Variants in XRCC4 observed in about 807,000 individuals in gnomAD.
The protein encoded by XRCC4 is DNA repair protein XRCC4.
Under a neutral mutation model 39.1 loss-of-function variants are expected in XRCC4, and 28 were observed. The ratio of observed to expected loss-of-function variants is 0.72; its 90% confidence interval spans 0.53 to 0.98. The LOEUF (loss-of-function observed/expected upper bound fraction) is 0.98, where lower values mean the gene tolerates loss of function less well. Among genes scored for constraint, XRCC4 ranks in the 50% least tolerant of loss-of-function variants. The pLI is 0.00. For synonymous variants in XRCC4, 123 were observed against 126.4 expected (o/e 0.97, Z 0.18); for missense variants, 350 against 376.4 (o/e 0.93, Z 0.58).
At chr5:83,175,534 C>T (rs139088899) in intron 3 of XRCC4, among the ~76,000 whole-genome samples, 4 of 152,088 alleles carry the variant, frequency 2.6e-5, no homozygotes, top group Admixed American at 6.5e-5. Flanking sequence ...GACTGGATGC[C>T]GTGGCTCACA....
chr5:83,098,878 T>C (rs1001643138), intron 1 of XRCC4, among the ~76,000 whole-genome samples: 1 of 152,192 alleles, frequency 6.6e-6, no homozygotes, highest in Non-Finnish European at 1.5e-5. Context: ...CACTTAGTTT[T>C]CCTAAATTGT....
intron 7 of XRCC4, 90 bp downstream of exon 7, chr5:83,258,767 T>G (rs1753648190): frequency 1.4e-6 from 2 of 1,402,032 alleles, no homozygotes; most frequent in African/African-American, 2.9e-5. Context: ...ATTTTGAACG[T>G]TTTTAAAGTT....
intron 6 of XRCC4, among the ~76,000 whole-genome samples, chr5:83,257,342 A>C (rs1480025427): frequency 1.4e-5 from 2 of 141,836 alleles, no homozygotes. Context: ...CAAAATTTAC[A>C]AGAAAAAAAA....
intron 7 of XRCC4, among the ~76,000 whole-genome samples, chr5:83,304,626 T>C (rs1003161926): frequency 1.3e-5 from 2 of 152,206 alleles, no homozygotes; most frequent in Non-Finnish European, 2.9e-5. Context: ...AAAATGAAGA[T>C]TTGAGTATCC....
In XRCC4 at chr5:83,130,703, T is replaced by C. The variant is rs187354273; in HGVS notation, c.315+19500T>C. Among the ~76,000 whole-genome samples the C allele has an allele frequency of 4.6e-5, 7 of 152,250 alleles. No homozygotes were observed. In the East Asian group the frequency reaches 9.7e-4, roughly 21 times the overall value. ...TCTTCCTGGTTTAGTCTTGGGAGGG[T>C]GTATGTGTCGAGGAATTTATCCATT... On this transcript the variant is annotated intron_variant, in intron 3 of 7. Coordinates refer to ENST00000396027, the MANE Select transcript of XRCC4 (RefSeq NM_003401.5).
intron 1 of XRCC4, among the ~76,000 whole-genome samples, chr5:83,098,282 T>C (rs1489409379): frequency 6.6e-6 from 1 of 152,168 alleles, no homozygotes; most frequent in Non-Finnish European, 1.5e-5. Context: ...GTCTCCCTTA[T>C]ACATCAGCTG....
At chr5:83,301,647 C>CCCATT (rs1452721300) in intron 7 of XRCC4, among the ~76,000 whole-genome samples, 1 of 152,076 alleles carries the variant, frequency 6.6e-6, no homozygotes, top group African/African-American at 2.4e-5. Flanking sequence ...GAAGTCTTTG[C>CCCATT]CCATGCCTAT....
At chr5:83,166,465 T>G (rs529875036) in intron 3 of XRCC4, among the ~76,000 whole-genome samples, 206 of 151,604 alleles carry the variant, frequency 1.4e-3, no homozygotes, top group African/African-American at 4.4e-3. Context: ...TGTTTGTTTT[T>G]TTTTTTTTCT....
intron 4 of XRCC4, 150 bp from the exon 5 acceptor site, chr5:83,203,402 C>T (rs930749819): frequency 1.9e-5 from 11 of 567,552 alleles, no homozygotes; most frequent in South Asian, 1.2e-4. Context: ...TGTATTTAAC[C>T]ATCTTTATAA....
intron 7 of XRCC4, among the ~76,000 whole-genome samples, chr5:83,261,061 C>T (rs1753729630): frequency 6.6e-6 from 1 of 151,502 alleles, no homozygotes; most frequent in African/African-American, 2.4e-5. Context: ...TTTTTTTATA[C>T]TATAGGATTT....
Position 83,084,335 on chromosome 5 carries a change from T to G in XRCC4, c.-11+6720T>G, listed in dbSNP as rs770080866. Among the ~76,000 whole-genome samples the G allele has an allele frequency of 1.1e-4, 16 of 152,248 alleles. 1 individual carries two copies. The highest frequency in any genetic ancestry group is 6.5e-5 in the Admixed American group (1 of 15,292). On this transcript the variant is annotated intron_variant, in intron 1 of 7. Transcript: ENST00000396027. ...TTGTTATTGCGGAAGCTGCCAGCCC[T>G]GATGAAAGTGAGTTGTGCCTTTTTC...
chr5:83,292,890 GAAGTT>G (rs1343663455), intron 7 of XRCC4, among the ~76,000 whole-genome samples: 1 of 151,870 alleles, frequency 6.6e-6, no homozygotes, highest in Non-Finnish European at 1.5e-5. Flanking sequence ...ATGAAAAGAA[GAAGTT>G]AAGTCTTAAT....
intron 4 of XRCC4, among the ~76,000 whole-genome samples, 172 bp downstream of exon 4, chr5:83,196,108 A>G (rs1237671354): frequency 6.6e-6 from 1 of 152,172 alleles, no homozygotes; most frequent in Non-Finnish European, 1.5e-5. Context: ...TTATAGGAAT[A>G]CATTAATACA....
At chr5:83,233,064 T>G (rs545317970) in intron 6 of XRCC4, among the ~76,000 whole-genome samples, 1 of 152,286 alleles carries the variant, frequency 6.6e-6, no homozygotes, top group Admixed American at 6.5e-5. Context: ...ATCTTAACCA[T>G]TTTTTATGGG....
Position 83,338,750 on chromosome 5 carries a change from G to A in XRCC4, c.894-14381G>A, listed in dbSNP as rs12186876. ...AGTCCTGAAAAAATTAGTAATTTGT[G>A]TAATCATAAAGATTTTACAGTGGGA... On this transcript the variant is annotated intron_variant, in intron 7 of 7. Transcript: ENST00000396027. 4.1e-3 allele frequency among the ~76,000 whole-genome samples: 629 copies of A among 152,228 alleles called. 3 individuals carry two copies. The highest frequency in any genetic ancestry group is 6.7e-3 in the Non-Finnish European group (458 of 68,012).
At chr5:83,131,736 G>A (rs1179637053) in intron 3 of XRCC4, among the ~76,000 whole-genome samples, 1 of 151,700 alleles carries the variant, frequency 6.6e-6, no homozygotes, top group African/African-American at 2.4e-5. Context: ...TTGCTTGGTG[G>A]ATCTTCCTTC....
chr5:83,324,595 G>T (rs1264784373), intron 7 of XRCC4, among the ~76,000 whole-genome samples: 1 of 152,002 alleles, frequency 6.6e-6, no homozygotes, highest in Admixed American at 6.6e-5. Context: ...TGCCATTTCT[G>T]TAGCTTTTTA....
intron 1 of XRCC4, among the ~76,000 whole-genome samples, chr5:83,095,465 G>A (rs1300632028): frequency 6.6e-6 from 1 of 152,128 alleles, no homozygotes; most frequent in African/African-American, 2.4e-5. Flanking sequence ...TTGAGGCTAG[G>A]GACCACTCTG....
At chr5:83,243,187 G>T (rs1221703869) in intron 6 of XRCC4, among the ~76,000 whole-genome samples, 1 of 152,158 alleles carries the variant, frequency 6.6e-6, no homozygotes, top group Non-Finnish European at 1.5e-5. Context: ...TGGAAGTGAT[G>T]ACATCAAGTT....
Sources: allele counts gnomAD v4.1 joint callset (sites outside exome capture counted in the v4.1 genomes callset), GRCh38; gene constraint gnomAD v4.1.1; transcripts MANE v1.5; gene names NCBI Gene and HGNC (gene_info 2026-07-23, HGNC 2026-07-21).